The following CMTM8 variants were observed in gnomAD, a reference collection of about 807,000 sequenced individuals.
CMTM8 encodes the protein CKLF like MARVEL transmembrane domain containing 8.
Under a neutral mutation model 18.6 loss-of-function variants are expected in CMTM8, and 12 were observed. The ratio of observed to expected loss-of-function variants is 0.65; its 90% CI spans 0.41 to 1.05. The LOEUF (loss-of-function observed/expected upper bound fraction) is 1.05, where lower values mean the gene tolerates loss of function less well. Among genes scored for constraint, CMTM8 ranks in the 50% least tolerant of loss-of-function variants. The pLI, the probability that CMTM8 is intolerant of heterozygous loss-of-function variation, is 0.00. For missense variants in CMTM8, 217 were observed against 227.2 expected (o/e 0.95, Z 0.29); for synonymous variants, 87 against 90.6 (o/e 0.96, Z 0.23).
intron 1 of CMTM8, among the ~76,000 whole-genome samples, chr3:32,254,557 A>G (rs1017712527): frequency 2.0e-5 from 3 of 151,846 alleles, no homozygotes; most frequent in African/African-American, 4.8e-5. Context: ...TTTTGTTTGG[A>G]GTTACTTTAA....
chr3:32,339,234 G>A (rs1025789104), intron 1 of CMTM8, among the ~76,000 whole-genome samples: 1 of 152,146 alleles, frequency 6.6e-6, no homozygotes, highest in Non-Finnish European at 1.5e-5. Context: ...GAAAATCAGG[G>A]TCCTGTGGTG....
chr3:32,256,242 T>A (rs142404175), intron 1 of CMTM8, among the ~76,000 whole-genome samples: 1 of 145,328 alleles, frequency 6.9e-6, no homozygotes, highest in African/African-American at 2.6e-5. Flanking sequence ...AATTTTTTTT[T>A]ATTTTTTGTA....
At chr3:32,244,922 C>G (rs1306317538) in intron 1 of CMTM8, among the ~76,000 whole-genome samples, 1 of 152,168 alleles carries the variant, frequency 6.6e-6, no homozygotes, top group East Asian at 1.9e-4. Context: ...TTGAAACTGT[C>G]ATCAGTAGTA....
intron 1 of CMTM8, among the ~76,000 whole-genome samples, chr3:32,283,226 G>A (rs748967462): frequency 2.6e-5 from 4 of 152,134 alleles, no homozygotes; most frequent in Non-Finnish European, 5.9e-5. Flanking sequence ...TTTAGCCTTG[G>A]GAAGCATGTG....
intron 1 of CMTM8, among the ~76,000 whole-genome samples, chr3:32,323,416 T>G (rs1296374360): frequency 6.6e-6 from 1 of 152,238 alleles, no homozygotes; most frequent in Non-Finnish European, 1.5e-5. Flanking sequence ...TTACTCCATG[T>G]ATAAAAAAAT....
At chr3:32,265,490 A>G (rs1702325075) in intron 1 of CMTM8, among the ~76,000 whole-genome samples, 1 of 152,326 alleles carries the variant, frequency 6.6e-6, no homozygotes, top group Admixed American at 6.5e-5. Context: ...AAATGCCCAC[A>G]AGAGAAAGCA....
intron 1 of CMTM8, among the ~76,000 whole-genome samples, chr3:32,349,938 A>G (rs149653813): frequency 0.081 from 12,281 of 152,078 alleles, 597 homozygotes; most frequent in East Asian, 0.18. Context: ...AACCTGGGAG[A>G]CGGAGGTTGC....
At chr3:32,272,489 A>C (rs1421913373) in intron 1 of CMTM8, among the ~76,000 whole-genome samples, 5 of 152,150 alleles carry the variant, frequency 3.3e-5, no homozygotes, top group African/African-American at 9.7e-5. Context: ...ATGTCTTTTA[A>C]ACTGATAATT....
At chr3:32,340,224 C>T (rs951519961) in intron 1 of CMTM8, among the ~76,000 whole-genome samples, 3 of 152,142 alleles carry the variant, frequency 2.0e-5, no homozygotes, top group Non-Finnish European at 4.4e-5. Context: ...TCTGATCTCT[C>T]GCCATTCAAC....
chr3:32,287,281 C>T (rs562743165), intron 1 of CMTM8, among the ~76,000 whole-genome samples: 2 of 152,254 alleles, frequency 1.3e-5, no homozygotes, highest in Admixed American at 6.5e-5. Flanking sequence ...CCATTTACTC[C>T]TCTGAATTTG....
At chr3:32,263,918 C>T (rs555418491) in intron 1 of CMTM8, among the ~76,000 whole-genome samples, 151 of 152,168 alleles carry the variant, frequency 9.9e-4, no homozygotes, top group African/African-American at 3.1e-3. Context: ...TAAAAAGAAA[C>T]GAACAAAGCC....
intron 1 of CMTM8, among the ~76,000 whole-genome samples, chr3:32,244,579 A>AT (rs1701986884): frequency 6.6e-6 from 1 of 151,850 alleles, no homozygotes; most frequent in African/African-American, 2.4e-5. Flanking sequence ...TTTTCTCATG[A>AT]TTTTTTTCTA....
intron 2 of CMTM8, among the ~76,000 whole-genome samples, chr3:32,366,152 C>T (rs745801962): frequency 1.3e-4 from 20 of 152,170 alleles, no homozygotes; most frequent in Non-Finnish European, 2.8e-4. Context: ...CTGAGAGAGG[C>T]TTGTAATAAA....
intron 1 of CMTM8, among the ~76,000 whole-genome samples, chr3:32,345,241 G>C (rs1575186055): frequency 6.6e-6 from 1 of 152,106 alleles, no homozygotes; most frequent in East Asian, 1.9e-4. Context: ...TGTAGTCCCA[G>C]CCACTCAGAA....
At chr3:32,242,238 T>A (rs1701953107) in intron 1 of CMTM8, among the ~76,000 whole-genome samples, 1 of 152,262 alleles carries the variant, frequency 6.6e-6, no homozygotes, top group Non-Finnish European at 1.5e-5. Context: ...CAATTCCTAG[T>A]TCAACTAGGT....
intron 1 of CMTM8, among the ~76,000 whole-genome samples, chr3:32,347,510 G>A (rs1696625151): frequency 6.6e-6 from 1 of 151,350 alleles, no homozygotes; most frequent in African/African-American, 2.4e-5. Flanking sequence ...AGGGGGCAGG[G>A]ACGGGGGCTT....
intron 2 of CMTM8, among the ~76,000 whole-genome samples, chr3:32,367,047 T>G (rs535464322): frequency 6.6e-6 from 1 of 152,286 alleles, no homozygotes; most frequent in South Asian, 2.1e-4. Context: ...CCCCTACCCC[T>G]TCCTCTGTCT....
intron 1 of CMTM8, among the ~76,000 whole-genome samples, chr3:32,306,966 TG>T (rs2125566636): frequency 1.3e-5 from 2 of 152,294 alleles, no homozygotes; most frequent in South Asian, 2.1e-4. Flanking sequence ...CCCAACACTT[TG>T]GGAGGCCGAG....
chr3:32,292,815 C>G (rs1382183728), intron 1 of CMTM8, among the ~76,000 whole-genome samples: 1 of 152,010 alleles, frequency 6.6e-6, no homozygotes, highest in Non-Finnish European at 1.5e-5. Context: ...CAGATGTTGC[C>G]AAATGCTCTG....
Sources: gnomAD v4.1 joint callset for allele counts (sites outside exome capture counted in the v4.1 genomes callset) on GRCh38, gnomAD v4.1.1 for gene constraint, MANE v1.5 for transcripts, NCBI Gene and HGNC (gene_info 2026-07-23, HGNC 2026-07-21) for gene names.